Variants in RGS7 observed in about 807,000 individuals in gnomAD.
RGS7 encodes the protein regulator of G-protein signaling 7.
In RGS7, 27 loss-of-function variants were observed where a neutral mutation model predicts 81.1. The observed-to-expected ratio is 0.33, with a 90% CI of 0.25 to 0.46. The LOEUF (loss-of-function observed/expected upper bound fraction) is 0.46. Ranked by LOEUF, RGS7 falls within the 20% of genes least tolerant of loss-of-function variation. RGS7 has a pLI of 1.00. For missense variants in RGS7, 396 were observed against 607.4 expected, an observed-to-expected ratio of 0.65 and a Z score of 3.66; for synonymous variants, 208 against 207.7, an observed-to-expected ratio of 1.00 and a Z score of -0.01.
intron 2 of RGS7, among the ~76,000 whole-genome samples, chr1:241,324,588 C>G (rs1474717912): frequency 6.6e-6 from 1 of 152,216 alleles, no homozygotes; most frequent in Non-Finnish European, 1.5e-5. Flanking sequence ...ATTAAATACT[C>G]TTCTGGAACA....
chr1:241,301,615 G>C (rs1397859753), intron 2 of RGS7, among the ~76,000 whole-genome samples: 1 of 152,210 alleles, frequency 6.6e-6, no homozygotes, highest in Admixed American at 6.5e-5. Context: ...CAATTCAAAA[G>C]AACCAGCATC....
In RGS7 at chr1:241,291,570, C is replaced by CT. The variant is rs397947911; in HGVS notation, c.78+64128dup. On this transcript the variant is annotated intron_variant, in intron 2 of 18. Coordinates refer to ENST00000440928, the MANE Select transcript of RGS7 (RefSeq NM_001364886.1). Reference sequence around the variant, plus strand: ...CCTTTCTGGCTCAGAGAATTCCCAGCTTTTTTTTTTTTTTTTTGCTTTTTT... The same window carrying CT: ...CCTTTCTGGCTCAGAGAATTCCCAGCTTTTTTTTTTTTTTTTTTGCTTTTTT... 8.1e-4 allele frequency among the ~76,000 whole-genome samples: 76 copies of CT among 94,156 alleles called. 2 individuals carry two copies. Among genetic ancestry groups the CT allele is most frequent in the Middle Eastern group, 9.3e-3 (1 of 108 alleles). The allele number at this position is 94,156 out of a possible 152,430, so 61.8% of individuals were successfully genotyped here.
intron 2 of RGS7, among the ~76,000 whole-genome samples, chr1:241,240,653 TG>T (rs2076217998): frequency 6.6e-6 from 1 of 152,168 alleles, no homozygotes; most frequent in African/African-American, 2.4e-5. Context: ...AGTTAGAAAT[TG>T]TATGTATAAT....
chr1:241,111,492 G>T (rs1013242891), intron 2 of RGS7, among the ~76,000 whole-genome samples: 1 of 152,106 alleles, frequency 6.6e-6, no homozygotes, highest in Non-Finnish European at 1.5e-5. Flanking sequence ...AGGGAAACCT[G>T]GCCGAGGCCA....
rs143791376 is a variant in RGS7 at position 241,181,780 on chromosome 1, C to T, written c.79-83018G>A. Among the ~76,000 whole-genome samples, 152 of 152,282 alleles carry T rather than the reference C, an allele frequency of 1.0e-3. 1 individual carries two copies. Among genetic ancestry groups the T allele is most frequent in the African/African-American group, 3.6e-3 (149 of 41,570 alleles). On this transcript the variant is annotated intron_variant, in intron 2 of 18. Transcript: ENST00000440928. ...GTGGCATGATTATGACTCACTGCAA[C>T]CTCCACCTCCTGGGCTCTAACAATC...
At chr1:241,241,874 C>T (rs6702310) in intron 2 of RGS7, among the ~76,000 whole-genome samples, 23,778 of 151,798 alleles carry the variant, frequency 0.16, 2,014 homozygotes, top group African/African-American at 0.19. Context: ...ACTGTGTTCG[C>T]TTTTTGAAAT....
chr1:240,798,888 A>G (rs1687529229), intron 18 of RGS7, among the ~76,000 whole-genome samples: 1 of 152,150 alleles, frequency 6.6e-6, no homozygotes, highest in Admixed American at 6.5e-5. Flanking sequence ...TACCAGAGCA[A>G]CCTGTGTAGA....
At position 241,007,260 on chromosome 1, in the gene RGS7, T is replaced by A. The variant is rs566358981; in HGVS notation, c.176-24131A>T. On this transcript the variant is annotated intron_variant, in intron 3 of 18. Transcript: ENST00000440928. ...TTAACACTATTTTCTTTTCTCTAGC[T>A]TACTTTATTATAAGAACACATTATC... Among the ~76,000 whole-genome samples the A allele has an allele frequency of 2.6e-5, 4 of 152,296 alleles. No homozygotes were observed. The East Asian group carries it at 7.7e-4, about 29-fold the overall frequency.
chr1:241,224,860 G>A (rs901934677), intron 2 of RGS7, among the ~76,000 whole-genome samples: 1 of 152,120 alleles, frequency 6.6e-6, no homozygotes, highest in African/African-American at 2.4e-5. Context: ...GTATAGCTCA[G>A]TGATTGCCAC....
intron 3 of RGS7, among the ~76,000 whole-genome samples, chr1:241,024,103 G>T (rs2059675401): frequency 6.6e-6 from 1 of 152,170 alleles, no homozygotes; most frequent in Admixed American, 6.5e-5. Context: ...GAAGAACAAA[G>T]AAATAAGCTA....
At chr1:240,943,470 A>T (rs16841101) in intron 4 of RGS7, among the ~76,000 whole-genome samples, 17,248 of 152,228 alleles carry the variant, frequency 0.11, 2,116 homozygotes, top group African/African-American at 0.31. Flanking sequence ...AGTTATTATC[A>T]GTTGATACTT....
intron 3 of RGS7, among the ~76,000 whole-genome samples, chr1:241,019,343 CTTTAT>C (rs2059427203): frequency 6.6e-6 from 1 of 151,852 alleles, no homozygotes; most frequent in African/African-American, 2.4e-5. Context: ...AGAATTATAA[CTTTAT>C]TTTATTTATT....
intron 4 of RGS7, among the ~76,000 whole-genome samples, chr1:240,962,541 T>G (rs1045293403): frequency 6.6e-6 from 1 of 152,148 alleles, no homozygotes; most frequent in African/African-American, 2.4e-5. Context: ...GCTCTGTCTA[T>G]AGGAAGTCAG....
intron 2 of RGS7, among the ~76,000 whole-genome samples, chr1:241,246,420 C>T (rs542024248): frequency 1.3e-5 from 2 of 152,222 alleles, no homozygotes; most frequent in African/African-American, 2.4e-5. Context: ...CATGTCCCTG[C>T]GGGTAGAAGG....
At chr1:241,334,931 G>T (rs541230060) in intron 2 of RGS7, among the ~76,000 whole-genome samples, 1 of 152,178 alleles carries the variant, frequency 6.6e-6, no homozygotes, top group African/African-American at 2.4e-5. Context: ...ACAATCAGCA[G>T]GCAAGGGCAC....
At chr1:240,915,954 G>GA (rs1274626833) in intron 6 of RGS7, among the ~76,000 whole-genome samples, 1 of 151,252 alleles carries the variant, frequency 6.6e-6, no homozygotes. Context: ...AATACAAAGA[G>GA]AAAAAAAAGT....
chr1:241,278,060 G>C (rs1316648267), intron 2 of RGS7, among the ~76,000 whole-genome samples: 1 of 152,066 alleles, frequency 6.6e-6, no homozygotes. Context: ...GCTGTTCTCA[G>C]TGCCGTCACA....
At chr1:241,293,746 G>A (rs186896289) in intron 2 of RGS7, among the ~76,000 whole-genome samples, 68 of 152,258 alleles carry the variant, frequency 4.5e-4, no homozygotes, top group African/African-American at 1.5e-3. Flanking sequence ...ATGAGACACC[G>A]TCTCACACCA....
At chr1:240,972,261 G>C (rs1271369329) in intron 4 of RGS7, among the ~76,000 whole-genome samples, 29 of 151,678 alleles carry the variant, frequency 1.9e-4, no homozygotes. Context: ...GTTTATTGCG[G>C]CATTATTCAC....
Sources: allele counts gnomAD v4.1 joint callset (sites outside exome capture counted in the v4.1 genomes callset), GRCh38; gene constraint gnomAD v4.1.1; transcripts MANE v1.5; gene names NCBI Gene and HGNC (gene_info 2026-07-23, HGNC 2026-07-21).